The following SPEN variants were observed in gnomAD, a reference collection of about 807,000 sequenced individuals.
SPEN encodes msx2-interacting protein.
In SPEN, 18 loss-of-function variants were observed where a neutral mutation model predicts 269.9. The ratio of observed to expected loss-of-function variants is 0.07; its 90% CI spans 0.05 to 0.10. The LOEUF is 0.10. Among genes scored for constraint, SPEN ranks in the 10% least tolerant of loss-of-function variants. SPEN has a pLI of 1.00. For synonymous variants in SPEN, 1,726 were observed against 1,765.7 expected (o/e 0.98, Z 0.56); for missense variants, 3,822 against 4,631.2 (o/e 0.83, Z 5.07).
chr1:15,926,384 TACACACACAC>T (rs34826146), intron 10 of SPEN, among the ~76,000 whole-genome samples: 18 of 145,768 alleles, frequency 1.2e-4, no homozygotes, highest in African/African-American at 3.8e-4. Flanking sequence ...GATATATACA[TACACACACAC>T]ACACACACAC....
intron 1 of SPEN, among the ~76,000 whole-genome samples, chr1:15,864,647 G>C (rs2070481939): frequency 8.0e-6 from 1 of 124,332 alleles, no homozygotes; most frequent in South Asian, 2.6e-4. Flanking sequence ...GTCTCGCTCT[G>C]TCACCCAGTC....
chr1:15,860,012 T>C (rs558609766), intron 1 of SPEN, among the ~76,000 whole-genome samples: 3 of 145,622 alleles, frequency 2.1e-5, no homozygotes, highest in Non-Finnish European at 3.0e-5. Context: ...CCCGGGTTCA[T>C]GCCATTCGCC....
At chr1:15,879,701 C>T (rs1290278576) in intron 3 of SPEN, among the ~76,000 whole-genome samples, 5 of 150,226 alleles carry the variant, frequency 3.3e-5, no homozygotes, top group East Asian at 2.0e-4. Flanking sequence ...GGCGGAGTCT[C>T]GCTCTGTCAC....
intron 3 of SPEN, among the ~76,000 whole-genome samples, chr1:15,896,797 T>C (rs1449428946): frequency 1.3e-5 from 2 of 152,184 alleles, no homozygotes; most frequent in African/African-American, 4.8e-5. Context: ...TGAGATCCTG[T>C]CTCTACAAGT....
Position 15,931,409 on chromosome 1 carries a change from A to C in SPEN, c.5169A>C (p.Ser1723=). The C allele has an allele frequency of 6.2e-7, 1 of 1,614,170 alleles. No homozygotes were observed. Among genetic ancestry groups the C allele is most frequent in the Non-Finnish European group, 8.5e-7 (1 of 1,180,032 alleles). The part of the protein sequence containing the change: ...AMMPAGVEEG[S]SGDQPPYLDA... The stretch of plus-strand genomic sequence containing the variant: ...TGCCTGCGGGTGTTGAGGAAGGTTC[A>C]TCAGGTGACCAGCCGCCTTATCTGG... The change falls in exon 11 of 15, where the codon TCA becomes TCC. Residue 1723 remains serine, a synonymous_variant. Transcript: ENST00000375759. The surrounding 1 kb of genome is among the most constrained non-coding windows in gnomAD (Gnocchi z 4.8).
chr1:15,905,457 G>A (rs1318426353), intron 3 of SPEN, among the ~76,000 whole-genome samples: 1 of 151,628 alleles, frequency 6.6e-6, no homozygotes, highest in Non-Finnish European at 1.5e-5. Flanking sequence ...CCTGACCTCA[G>A]GTGATCCATC....
chr1:15,894,297 A>G (rs969673920), intron 3 of SPEN, among the ~76,000 whole-genome samples: 2 of 151,970 alleles, frequency 1.3e-5, no homozygotes, highest in African/African-American at 4.8e-5. Context: ...CGTTGGAAGG[A>G]TTTCTTGTTC....
Position 15,928,623 on chromosome 1 carries a change from C to A in SPEN, c.2383C>A (p.Arg795=), listed in dbSNP as rs2071191764. 1 of 1,613,760 alleles carries A rather than the reference C, an allele frequency of 6.2e-7. No individual in the cohort carries two copies. The highest frequency in any genetic ancestry group is 1.3e-5 in the African/African-American group (1 of 74,794). The part of the protein sequence containing the change: ...YTKNEKTDKE[R]TFDPERVERE... ...AAAAAATGAAAAGACAGATAAAGAACGAACTTTTGATCCGGAGAGAGTGGA... is the reference window on the plus strand; with the variant it reads ...AAAAAATGAAAAGACAGATAAAGAAAGAACTTTTGATCCGGAGAGAGTGGA... The change falls in exon 11 of 15, where the codon CGA becomes AGA. Residue 795 remains arginine (R), a synonymous_variant. Coordinates refer to ENST00000375759, the MANE Select transcript of SPEN (RefSeq NM_015001.3). This position sits in a 1 kb window ranked among gnomAD's most constrained non-coding sequence, Gnocchi z 5.7.
intron 10 of SPEN, among the ~76,000 whole-genome samples, chr1:15,927,504 G>A (rs11590428): frequency 0.02 from 3,095 of 152,146 alleles, 92 homozygotes; most frequent in African/African-American, 0.07. Context: ...TCATATAGAT[G>A]GCAAAATTTT....
chr1:15,852,915 A>G (rs925805133), intron 1 of SPEN, among the ~76,000 whole-genome samples: 5 of 152,204 alleles, frequency 3.3e-5, no homozygotes, highest in African/African-American at 9.7e-5. Context: ...GAGTCACCCA[A>G]GATGGATCAC....
intron 10 of SPEN, among the ~76,000 whole-genome samples, chr1:15,927,065 G>A (rs2071174426): frequency 6.6e-6 from 1 of 152,240 alleles, no homozygotes; most frequent in South Asian, 2.1e-4. Flanking sequence ...CTACATGAGA[G>A]AACAAACATT....
intron 1 of SPEN, among the ~76,000 whole-genome samples, chr1:15,857,232 T>C (rs934802188): frequency 3.3e-5 from 5 of 152,148 alleles, no homozygotes; most frequent in African/African-American, 4.8e-5. Context: ...ACTCGGCTAA[T>C]TTTTGTATTT....
chr1:15,871,756 T>C (rs549505540), intron 1 of SPEN, among the ~76,000 whole-genome samples: 16 of 151,762 alleles, frequency 1.1e-4, no homozygotes, highest in Non-Finnish European at 2.4e-4. Flanking sequence ...AAGTAAGGAG[T>C]GTTTGAGTAC....
rs1333052961 is a variant in SPEN, at chr1:15,939,733, A to T, written c.*306A>T. 7.0e-6 allele frequency: 2 copies of T among 285,740 alleles called. No individual in the cohort carries two copies. Among genetic ancestry groups the T allele is most frequent in the Non-Finnish European group, 1.3e-5 (2 of 153,418 alleles). The allele number at this position is 285,740 out of a possible 1,614,324, so 17.7% of individuals were successfully genotyped here. A position where few individuals can be genotyped will look rare whatever the true frequency, so the allele number is the denominator to read the frequency against. On this transcript the variant is annotated 3_prime_UTR_variant, in exon 15 of 15. Coordinates refer to ENST00000375759, the MANE Select transcript of SPEN (RefSeq NM_015001.3). This position sits in a 1 kb window ranked among gnomAD's most constrained non-coding sequence, Gnocchi z 4.1. ...AAAGGAACAGGGCAGTGGAATGAAA[A>T]TTTTTTGTTTGTTTGTTTTTAAGAA...
chr1:15,922,400 C>T (rs1396270482), intron 10 of SPEN, 51 bp downstream of exon 10: 2 of 1,284,282 alleles, frequency 1.6e-6, no homozygotes, highest in Non-Finnish European at 2.2e-6. Flanking sequence ...AGTTTTAATA[C>T]AGAAACTTAA....
intron 3 of SPEN, among the ~76,000 whole-genome samples, chr1:15,906,206 A>G (rs1239194129): frequency 2.6e-5 from 4 of 152,188 alleles, no homozygotes. Flanking sequence ...CGTATTCAGG[A>G]TAGTATTTAC....
intron 3 of SPEN, among the ~76,000 whole-genome samples, chr1:15,885,984 C>A (rs1023954562): frequency 1.3e-5 from 2 of 152,110 alleles, no homozygotes; most frequent in Non-Finnish European, 2.9e-5. Context: ...CTTTTTTGTG[C>A]TAAATATGGA....
In SPEN at chr1:15,940,270, C is replaced by G. The variant is rs774090478; in HGVS notation, c.*843C>G. 2.3e-4 allele frequency: 53 copies of G among 233,118 alleles called. No individual in the cohort carries two copies. The highest frequency in any genetic ancestry group is 3.7e-4 in the Non-Finnish European group (44 of 117,826). 14.4% of individuals were successfully genotyped at this position (233,118 alleles called of 1,614,324 possible). ...AGTGCGCTTCGGTACAGCACGGGTC[C>G]TGCTCCCGCGATGTGGAAGTGTCAC... On this transcript the variant is annotated 3_prime_UTR_variant, in exon 15 of 15. Coordinates refer to ENST00000375759, the MANE Select transcript of SPEN (RefSeq NM_015001.3).
chr1:15,872,488 T>C (rs1036948655), intron 1 of SPEN, among the ~76,000 whole-genome samples: 10 of 151,440 alleles, frequency 6.6e-5, no homozygotes, highest in Non-Finnish European at 5.9e-5. Context: ...TAGTCCCAGC[T>C]ACTCGGGAGG....
Sources: gnomAD v4.1 joint callset for allele counts (sites outside exome capture counted in the v4.1 genomes callset) on GRCh38, gnomAD v4.1.1 for gene constraint, Gnocchi (gnomAD v3.1) non-coding constraint, MANE v1.5 for transcripts, NCBI Gene and HGNC (gene_info 2026-07-23, HGNC 2026-07-21) for gene names.